Variants in ACVR2B observed in about 807,000 individuals in gnomAD.
The protein encoded by ACVR2B is activin A receptor type 2B.
ACVR2B carries 18 observed loss-of-function variants against 65.1 expected under a neutral mutation model. The observed-to-expected ratio is 0.28, with a 90% CI of 0.19 to 0.41. ACVR2B has a LOEUF of 0.41. Ranked by LOEUF, ACVR2B falls within the 10% of genes least tolerant of loss-of-function variation. The pLI is 1.00. For synonymous variants in ACVR2B, 298 were observed against 277.7 expected, an observed-to-expected ratio of 1.07 and a Z score of -0.73; for missense variants, 482 against 682.7, an observed-to-expected ratio of 0.71 and a Z score of 3.28.
At chr3:38,455,499 A>C (rs1709533052) in intron 1 of ACVR2B, among the ~76,000 whole-genome samples, 1 of 152,062 alleles carries the variant, frequency 6.6e-6, no homozygotes, top group African/African-American at 2.4e-5. Context: ...GCGGGGCCGG[A>C]GTCCCCACGC....
chr3:38,478,997 TG>T (rs1241774149), intron 5 of ACVR2B, 130 bp from the exon 6 acceptor site: 15 of 1,184,182 alleles, frequency 1.3e-5, no homozygotes, highest in Non-Finnish European at 1.6e-5. Context: ...GCTGGGAGGC[TG>T]GGGGGTGGGG....
At chr3:38,459,866 G>T (rs1709613150) in intron 1 of ACVR2B, among the ~76,000 whole-genome samples, 1 of 152,150 alleles carries the variant, frequency 6.6e-6, no homozygotes, top group South Asian at 2.1e-4. Context: ...ATTGGGCTTG[G>T]CAGGCTGGCA....
intron 1 of ACVR2B, chr3:38,473,953 C>T (rs571515719): frequency 6.6e-6 from 1 of 152,568 alleles, no homozygotes; most frequent in East Asian, 1.9e-4. Context: ...ACGACCTCAG[C>T]TCACTGCAAC....
rs1046037020 is a variant in ACVR2B, at chr3:38,490,574, T to C, written c.*7242T>C. The C allele has an allele frequency of 1.3e-4, 20 of 152,634 alleles. No individual in the cohort carries two copies. Among genetic ancestry groups the C allele is most frequent in the African/African-American group, 4.8e-4 (20 of 41,440 alleles). 9.5% of individuals were successfully genotyped at this position (152,634 alleles called of 1,614,324 possible). A position where few individuals can be genotyped will look rare whatever the true frequency, so the allele number is the denominator to read the frequency against. The stretch of plus-strand genomic sequence containing the variant: ...TCACTCTCTTCGCCCCAAAAGCAAC[T>C]GCTGTAAGCTTTTTTCTACTTGTCT... On this transcript the variant is annotated 3_prime_UTR_variant, in exon 11 of 11. Coordinates refer to ENST00000352511, the MANE Select transcript of ACVR2B (RefSeq NM_001106.4).
At chr3:38,478,869 T>G (rs1402446197) in intron 5 of ACVR2B, among the ~76,000 whole-genome samples, 2 of 152,116 alleles carry the variant, frequency 1.3e-5, no homozygotes, top group Admixed American at 6.6e-5. Flanking sequence ...TGGACCTTAG[T>G]GGCCCCATTT....
rs1710131043 is a variant in ACVR2B at position 38,486,860 on chromosome 3, G to A, written c.*3528G>A. The A allele has an allele frequency of 6.6e-6, 1 of 152,326 alleles. No individual in the cohort carries two copies. The highest frequency in any genetic ancestry group is 1.5e-5 in the Non-Finnish European group (1 of 68,136). The allele number at this position is 152,326 out of a possible 1,614,324, so 9.4% of individuals were successfully genotyped here. A position where few individuals can be genotyped will look rare whatever the true frequency, so the allele number is the denominator to read the frequency against. Reference sequence around the variant, plus strand: ...TGAGCAGAAGGAGGAAGCAAGTGAGGACAGAGGCCATTGTATTACAGTGTC... The same window carrying A: ...TGAGCAGAAGGAGGAAGCAAGTGAGAACAGAGGCCATTGTATTACAGTGTC... On this transcript the variant is annotated 3_prime_UTR_variant, in exon 11 of 11. Coordinates refer to ENST00000352511, the MANE Select transcript of ACVR2B (RefSeq NM_001106.4).
intron 1 of ACVR2B, chr3:38,475,346 T>G (rs1709889682): frequency 6.6e-6 from 1 of 152,266 alleles, no homozygotes; most frequent in Non-Finnish European, 1.5e-5. Context: ...TAGAAGAGGC[T>G]GAGTCCCAGC....
At chr3:38,455,453 G>C (rs1217902466) in intron 1 of ACVR2B, among the ~76,000 whole-genome samples, 1 of 152,100 alleles carries the variant, frequency 6.6e-6, no homozygotes, top group Non-Finnish European at 1.5e-5. Context: ...CCTGGAGTCT[G>C]GGAAACCCTC....
chr3:38,457,272 G>A (rs1453998287), intron 1 of ACVR2B, among the ~76,000 whole-genome samples: 2 of 152,166 alleles, frequency 1.3e-5, no homozygotes, highest in East Asian at 1.9e-4. Flanking sequence ...GTATTAAAAC[G>A]AGACATTTTG....
intron 10 of ACVR2B, among the ~76,000 whole-genome samples, chr3:38,482,888 T>A (rs1336796415): frequency 6.6e-6 from 1 of 152,142 alleles, no homozygotes; most frequent in Non-Finnish European, 1.5e-5. Context: ...CCTGTGTATG[T>A]TGAGGTTCAA....
In ACVR2B at chr3:38,454,218, G is replaced by A. The variant is rs1709500960; in HGVS notation, c.-105G>A. 1.2e-6 allele frequency: 1 copy of A among 831,000 alleles called. No individual in the cohort carries two copies. The highest frequency in any genetic ancestry group is 1.5e-6 in the Non-Finnish European group (1 of 647,368). The allele number at this position is 831,000 out of a possible 1,614,324, so 51.5% of individuals were successfully genotyped here. A position where few individuals can be genotyped will look rare whatever the true frequency, so the allele number is the denominator to read the frequency against. ...CGCGCAGGGAACGAGACCGAAGGAA[G>A]GAGCGGGAAGGAGAGCGCAGCCGCC... On this transcript the variant is annotated 5_prime_UTR_variant, in exon 1 of 11. Transcript: ENST00000352511.
At chr3:38,482,696 T>A (rs1710039276) in intron 10 of ACVR2B, 136 bp downstream of exon 10, 1 of 1,312,792 alleles carries the variant, frequency 7.6e-7, no homozygotes, top group Admixed American at 2.1e-5. Context: ...AGGGATGTGT[T>A]CCAGGGGTTA....
rs1359448054 is a variant in ACVR2B, at chr3:38,477,294, G to T, written c.60G>T (p.Gly20=). The T allele has an allele frequency of 6.2e-7, 1 of 1,613,956 alleles. No homozygotes were observed. Among genetic ancestry groups the T allele is most frequent in the Non-Finnish European group, 8.5e-7 (1 of 1,179,968 alleles). The change falls in exon 2 of 11, where the codon GGG becomes GGT. Residue 20 remains glycine (G), a synonymous_variant. Transcript: ENST00000352511. This position sits in a 1 kb window ranked among gnomAD's most constrained non-coding sequence, Gnocchi z 6.7. ...LLWGSLCAGS[G]RGEAETRECI... ...CTTTTCTCTGGGGCACAGGCTCTGG[G>T]CGTGGGGAGGCTGAGACACGGGAGT...
chr3:38,457,925 G>C (rs1314838755), intron 1 of ACVR2B, among the ~76,000 whole-genome samples: 1 of 152,150 alleles, frequency 6.6e-6, no homozygotes, highest in African/African-American at 2.4e-5. Context: ...CCCTCCCAGA[G>C]AAGAGTGTTT....
At chr3:38,461,086 G>T (rs1296682746) in intron 1 of ACVR2B, among the ~76,000 whole-genome samples, 1 of 152,204 alleles carries the variant, frequency 6.6e-6, no homozygotes, top group African/African-American at 2.4e-5. Flanking sequence ...TGACTCTCTC[G>T]AGTGTTGATG....
intron 1 of ACVR2B, among the ~76,000 whole-genome samples, chr3:38,458,858 C>G (rs1285756976): frequency 6.6e-6 from 1 of 152,122 alleles, no homozygotes; most frequent in Non-Finnish European, 1.5e-5. Flanking sequence ...TCAACCTTGA[C>G]ACTATTACAT....
rs142835500 is a variant in ACVR2B at position 38,463,951 on chromosome 3, C to T, written c.52+9577C>T. ...GTACTTTTTGCTGTGTGTATCCACT[C>T]CAGGTGTCTCTTCTTATAAAGATAC... On this transcript the variant is annotated intron_variant, in intron 1 of 10. Transcript: ENST00000352511. Among the ~76,000 whole-genome samples the T allele has an allele frequency of 5.8e-3, 889 of 152,296 alleles. 4 individuals carry two copies. Among genetic ancestry groups the T allele is most frequent in the Middle Eastern group, 0.017 (5 of 294 alleles).
Position 38,477,159 on chromosome 3 carries a change from G to C in ACVR2B, c.53-128G>C. 4.0e-6 allele frequency: 4 copies of C among 1,002,448 alleles called. No individual in the cohort carries two copies. In the South Asian group the frequency reaches 5.9e-5, roughly 15 times the overall value. 62.1% of individuals were successfully genotyped at this position (1,002,448 alleles called of 1,614,324 possible). A position where few individuals can be genotyped will look rare whatever the true frequency, so the allele number is the denominator to read the frequency against. ...CCTACGTCCAGGGGTGAGTGCAGGA[G>C]GTTGGTGACCCCAACCCACCACCCG... On this transcript the variant is annotated intron_variant, in intron 1 of 10. Coordinates refer to ENST00000352511, the MANE Select transcript of ACVR2B (RefSeq NM_001106.4). The surrounding 1 kb of genome is among the most constrained non-coding windows in gnomAD (Gnocchi z 6.7).
In ACVR2B at chr3:38,479,735, G is replaced by A. The variant is rs1709984104; in HGVS notation, c.868G>A (p.Val290Ile). The change falls in exon 7 of 11, where the codon GTA becomes ATA. Residue 290 changes from valine (V) to isoleucine (I), a missense_variant. By Grantham distance (29) the Val-to-Ile change is conservative (BLOSUM62 3). Transcript: ENST00000352511. ...CATCACATGGAACGAACTGTGTCATGTAGCAGAGACGATGTCACGAGGCCT... is the reference window on the plus strand; with the variant it reads ...CATCACATGGAACGAACTGTGTCATATAGCAGAGACGATGTCACGAGGCCT... Reference protein sequence around the residue: ...NIITWNELCHVAETMSRGLSY... With the variant: ...NIITWNELCHIAETMSRGLSY... The A allele has an allele frequency of 1.9e-6, 3 of 1,614,252 alleles. No homozygotes were observed. The highest frequency in any genetic ancestry group is 1.7e-6 in the Non-Finnish European group (2 of 1,180,040).
Sources: allele counts gnomAD v4.1 joint callset (sites outside exome capture counted in the v4.1 genomes callset), GRCh38; gene constraint gnomAD v4.1.1; non-coding constraint Gnocchi (gnomAD v3.1); transcripts MANE v1.5; gene names NCBI Gene and HGNC (gene_info 2026-07-23, HGNC 2026-07-21).